Variants in CNTN6 observed in about 807,000 individuals in gnomAD.
CNTN6 encodes the protein contactin 6.
A neutral mutation model predicts 122.8 loss-of-function variants in CNTN6; 137 were observed. The ratio of observed to expected loss-of-function variants is 1.12; its 90% CI spans 0.97 to 1.29. CNTN6 has a LOEUF of 1.29. CNTN6 is among the 50% of genes most tolerant of loss of function. The pLI, the probability that CNTN6 is intolerant of heterozygous loss-of-function variation, is 0.00. For synonymous variants in CNTN6, 570 were observed against 426.0 expected, an observed-to-expected ratio of 1.34 and a Z score of -4.16; for missense variants, 1,634 against 1,223.4, an observed-to-expected ratio of 1.34 and a Z score of -5.01.
At chr3:1,117,693 C>T (rs1427426860) in intron 1 of CNTN6, among the ~76,000 whole-genome samples, 1 of 152,084 alleles carries the variant, frequency 6.6e-6, no homozygotes, top group East Asian at 1.9e-4. Flanking sequence ...TTGAGGTTCC[C>T]CAGAACTTGC....
At chr3:1,199,937 G>C (rs1179027971) in intron 2 of CNTN6, among the ~76,000 whole-genome samples, 2 of 152,030 alleles carry the variant, frequency 1.3e-5, no homozygotes, top group Admixed American at 1.3e-4. Context: ...CTAAAATTAA[G>C]TTTTTCACTC....
At chr3:1,241,815 T>A (rs1382488749) in intron 4 of CNTN6, among the ~76,000 whole-genome samples, 1 of 152,018 alleles carries the variant, frequency 6.6e-6, no homozygotes, top group East Asian at 1.9e-4. Flanking sequence ...AGCTAAAGAG[T>A]CAACTTGGGC....
chr3:1,317,467 A>G (rs1700251076), intron 7 of CNTN6, among the ~76,000 whole-genome samples: 1 of 151,822 alleles, frequency 6.6e-6, no homozygotes, highest in South Asian at 2.1e-4. Context: ...AAACGTTCAA[A>G]AAGGTTGATG....
At chr3:1,329,553 A>T (rs1005692265) in intron 10 of CNTN6, among the ~76,000 whole-genome samples, 1 of 151,910 alleles carries the variant, frequency 6.6e-6, no homozygotes, top group East Asian at 1.9e-4. Context: ...ACATCATTTA[A>T]TCTCCACACT....
At position 1,369,104 on chromosome 3, in the gene CNTN6, C is replaced by A. The variant is rs113315048; in HGVS notation, c.1493-3195C>A. The stretch of plus-strand genomic sequence containing the variant: ...CTTTTTCACACAGTTTCTCTGTGAA[C>A]GCTCTTGCCTGCGCAGGAAATCTAG... On this transcript the variant is annotated intron_variant, in intron 12 of 22. Coordinates refer to ENST00000446702, the MANE Select transcript of CNTN6 (RefSeq NM_001289080.2). Among the ~76,000 whole-genome samples, 238 of 152,288 alleles carry A rather than the reference C, an allele frequency of 1.6e-3. 1 individual carries two copies. Among genetic ancestry groups the A allele is most frequent in the African/African-American group, 5.4e-3 (224 of 41,568 alleles).
intron 2 of CNTN6, among the ~76,000 whole-genome samples, chr3:1,149,865 C>T (rs1039964821): frequency 2.0e-5 from 3 of 151,964 alleles, no homozygotes; most frequent in Non-Finnish European, 2.9e-5. Context: ...TCTAAAAGAC[C>T]TTTTGTGTTA....
intron 1 of CNTN6, among the ~76,000 whole-genome samples, chr3:1,125,632 A>C (rs1300451032): frequency 6.6e-6 from 1 of 151,728 alleles, no homozygotes; most frequent in African/African-American, 2.4e-5. Flanking sequence ...GCCCTTAACA[A>C]ATATTAAAAA....
chr3:1,318,915 G>C (rs1700478606), intron 7 of CNTN6, among the ~76,000 whole-genome samples: 1 of 151,800 alleles, frequency 6.6e-6, no homozygotes, highest in Admixed American at 6.6e-5. Context: ...TGGGGCGGAA[G>C]AGGGATTAGA....
chr3:1,214,974 G>A (rs1037259681), intron 2 of CNTN6, among the ~76,000 whole-genome samples: 3 of 152,094 alleles, frequency 2.0e-5, no homozygotes, highest in Admixed American at 6.6e-5. Context: ...CCCAGGCTCG[G>A]TCTCAAACTC....
At chr3:1,301,874 C>G (rs1697487091) in intron 7 of CNTN6, among the ~76,000 whole-genome samples, 1 of 151,990 alleles carries the variant, frequency 6.6e-6, no homozygotes, top group Non-Finnish European at 1.5e-5. Context: ...GAGTTACTAC[C>G]AAAAAGAATT....
At chr3:1,231,721 CA>C (rs2094354510) in intron 4 of CNTN6, among the ~76,000 whole-genome samples, 1 of 152,170 alleles carries the variant, frequency 6.6e-6, no homozygotes, top group Non-Finnish European at 1.5e-5. Flanking sequence ...TATTTGATTA[CA>C]AAAGTCTCTT....
chr3:1,164,447 A>G (rs1377891952), intron 2 of CNTN6, among the ~76,000 whole-genome samples: 1 of 152,192 alleles, frequency 6.6e-6, no homozygotes, highest in African/African-American at 2.4e-5. Flanking sequence ...TGAATCCTCT[A>G]TTTTACATGA....
intron 11 of CNTN6, among the ~76,000 whole-genome samples, chr3:1,339,134 T>G (rs1272236028): frequency 6.6e-6 from 1 of 152,076 alleles, no homozygotes; most frequent in African/African-American, 2.4e-5. Flanking sequence ...TTTTTAAATT[T>G]TTTTTCAAAT....
rs776612023 is a variant in CNTN6 at position 1,385,721 on chromosome 3, T to G, written c.2628T>G (p.Phe876Leu). ...ITGLKANTIY[F>L]ASVRAYNTAG... ...GGCTGAAAGCTAATACCATCTACTTTGCTTCCGTAAGAGCTTACAACACTG... is the reference window on the plus strand; with the variant it reads ...GGCTGAAAGCTAATACCATCTACTTGGCTTCCGTAAGAGCTTACAACACTG... Residue 876 changes from phenylalanine to leucine, a missense_variant, in exon 20 of 23, where the codon TTT becomes TTG. Phe to Leu is a conservative substitution (Grantham distance 22). Transcript: ENST00000446702. The G allele has an allele frequency of 1.9e-6, 3 of 1,614,152 alleles. No individual in the cohort carries two copies. Among genetic ancestry groups the G allele is most frequent in the Admixed American group, 1.7e-5 (1 of 60,032 alleles).
intron 7 of CNTN6, among the ~76,000 whole-genome samples, chr3:1,314,836 G>C (rs1301787415): frequency 2.0e-5 from 3 of 151,942 alleles, no homozygotes; most frequent in African/African-American, 7.2e-5. Context: ...TCACATTTCA[G>C]GCAACCTTCA....
At chr3:1,386,491 A>ATTGTTGCTGCC (rs1692959797) in intron 20 of CNTN6, among the ~76,000 whole-genome samples, 1 of 152,140 alleles carries the variant, frequency 6.6e-6, no homozygotes, top group South Asian at 2.1e-4. Context: ...TCTTTTGGTG[A>ATTGTTGCTGCC]TTGTTGCTGC....
chr3:1,126,708 C>A (rs184600225), intron 1 of CNTN6, among the ~76,000 whole-genome samples: 1 of 151,830 alleles, frequency 6.6e-6, no homozygotes, highest in Non-Finnish European at 1.5e-5. Context: ...GCTGCAGACA[C>A]CACATTTTAT....
intron 10 of CNTN6, among the ~76,000 whole-genome samples, 164 bp from the exon 11 acceptor site, chr3:1,329,621 A>G (rs1702011751): frequency 6.6e-6 from 1 of 151,830 alleles, no homozygotes; most frequent in Non-Finnish European, 1.5e-5. Flanking sequence ...CATAAACTCT[A>G]AAATGTTAAG....
chr3:1,382,163 T>C (rs1691994865), intron 17 of CNTN6, among the ~76,000 whole-genome samples: 1 of 152,178 alleles, frequency 6.6e-6, no homozygotes, highest in East Asian at 1.9e-4. Flanking sequence ...CCATTGATTT[T>C]TCAATACAAG....
Sources: allele counts gnomAD v4.1 joint callset (sites outside exome capture counted in the v4.1 genomes callset), GRCh38; gene constraint gnomAD v4.1.1; transcripts MANE v1.5; gene names NCBI Gene and HGNC (gene_info 2026-07-23, HGNC 2026-07-21).